The following CSMD1 variants were observed in gnomAD, a reference collection of about 807,000 sequenced individuals.
CSMD1 encodes CUB and Sushi multiple domains 1.
A neutral mutation model predicts 417.5 loss-of-function variants in CSMD1; 213 were observed. The ratio of observed to expected loss-of-function variants is 0.51; its 90% CI spans 0.46 to 0.57. The LOEUF (loss-of-function observed/expected upper bound fraction) is 0.57. Among genes scored for constraint, CSMD1 ranks in the 20% least tolerant of loss-of-function variants. The pLI, the probability that CSMD1 is intolerant of heterozygous loss-of-function variation, is 0.00. For synonymous variants in CSMD1, 2,862 were observed against 1,736.8 expected, an observed-to-expected ratio of 1.65 and a Z score of -16.11; for missense variants, 6,923 against 4,529.7, an observed-to-expected ratio of 1.53 and a Z score of -15.17.
chr8:4,375,542 T>C (rs1463331336), intron 3 of CSMD1, among the ~76,000 whole-genome samples: 4 of 152,172 alleles, frequency 2.6e-5, no homozygotes, highest in African/African-American at 7.2e-5. Flanking sequence ...CTTAACATTT[T>C]AGCCCACTTC....
chr8:3,569,770 C>T (rs1200850306), intron 10 of CSMD1, among the ~76,000 whole-genome samples: 2 of 152,150 alleles, frequency 1.3e-5, no homozygotes, highest in Non-Finnish European at 2.9e-5. Context: ...ATGGCTGCTG[C>T]TTAATTTGGA....
chr8:3,852,456 G>T lies in CSMD1; in HGVS notation c.819-98414C>A, dbSNP rs922247685. Among the ~76,000 whole-genome samples, 4 of 152,192 alleles carry T rather than the reference G, an allele frequency of 2.6e-5. No homozygotes were observed. In the East Asian group the frequency reaches 5.8e-4, roughly 22 times the overall value. ...AAGACGTCGGGAAGAGGGTAGGGCT[G>T]CAGGGCTGCATTCAGAGAATAAGCT... is the stretch of plus-strand genomic sequence containing the variant. On this transcript the variant is annotated intron_variant, in intron 5 of 69. Transcript: ENST00000635120.
chr8:4,447,590 G>T (rs982099911), intron 2 of CSMD1, among the ~76,000 whole-genome samples: 8 of 152,130 alleles, frequency 5.3e-5, no homozygotes, highest in African/African-American at 1.9e-4. Flanking sequence ...AACAGAAAAC[G>T]CTTTCATGTA....
chr8:3,929,436 C>G lies in CSMD1; in HGVS notation c.818+68467G>C, dbSNP rs779645294. Among the ~76,000 whole-genome samples, 11 of 150,270 alleles carry G rather than the reference C, an allele frequency of 7.3e-5. 1 individual carries two copies. Among genetic ancestry groups the G allele is most frequent in the Non-Finnish European group, 1.5e-4 (10 of 67,512 alleles). On this transcript the variant is annotated intron_variant, in intron 5 of 69. Coordinates refer to ENST00000635120, the MANE Select transcript of CSMD1 (RefSeq NM_033225.6). ...AACCTTCCCCACATGAGAAGTGGGT[C>G]CAAAAGCTGGAGGGGACAGAACAAA...
At chr8:4,314,269 T>C (rs1226367208) in intron 3 of CSMD1, among the ~76,000 whole-genome samples, 3 of 152,094 alleles carry the variant, frequency 2.0e-5, no homozygotes, top group Non-Finnish European at 4.4e-5. Flanking sequence ...CACAAACTCT[T>C]AGTTACAATC....
chr8:4,461,895 C>G (rs1045703881), intron 2 of CSMD1, among the ~76,000 whole-genome samples: 1 of 151,914 alleles, frequency 6.6e-6, no homozygotes, highest in Non-Finnish European at 1.5e-5. Flanking sequence ...AGCCCGCCAC[C>G]ACGCCCGGCT....
intron 4 of CSMD1, among the ~76,000 whole-genome samples, chr8:4,004,934 C>T (rs920950938): frequency 1.3e-5 from 2 of 152,120 alleles, no homozygotes; most frequent in African/African-American, 2.4e-5. Flanking sequence ...TTAGTAGAGA[C>T]AGGGTTTCAC....
chr8:4,691,788 T>G (rs1395388067), intron 1 of CSMD1, among the ~76,000 whole-genome samples: 1 of 152,230 alleles, frequency 6.6e-6, no homozygotes, highest in Non-Finnish European at 1.5e-5. Context: ...TTTTAACCTT[T>G]AAATCATTGT....
intron 2 of CSMD1, among the ~76,000 whole-genome samples, chr8:4,465,784 G>A (rs1238596687): frequency 6.6e-6 from 1 of 152,116 alleles, no homozygotes; most frequent in Non-Finnish European, 1.5e-5. Context: ...TGAGAATGGG[G>A]GTGGTTATGG....
chr8:3,307,313 C>G (rs893122893), intron 25 of CSMD1, among the ~76,000 whole-genome samples: 1 of 151,978 alleles, frequency 6.6e-6, no homozygotes, highest in African/African-American at 2.4e-5. Flanking sequence ...TCCCAACCAT[C>G]CCAGCTGAGG....
intron 5 of CSMD1, among the ~76,000 whole-genome samples, chr8:3,754,442 T>TTA (rs1162895456): frequency 8.8e-6 from 1 of 113,754 alleles, no homozygotes; most frequent in Non-Finnish European, 2.0e-5. Flanking sequence ...CCTTATTTAT[T>TTA]TATTTATTTA....
chr8:4,599,411 T>A (rs1161389619), intron 2 of CSMD1, among the ~76,000 whole-genome samples: 1 of 152,000 alleles, frequency 6.6e-6, no homozygotes, highest in East Asian at 1.9e-4. Flanking sequence ...AGGAGGAAAA[T>A]TTTTGATAAT....
chr8:4,348,538 CAAAT>C (rs1024162083), intron 3 of CSMD1, among the ~76,000 whole-genome samples: 10 of 145,344 alleles, frequency 6.9e-5, no homozygotes, highest in Non-Finnish European at 1.4e-4. Context: ...AGTTGTATCA[CAAAT>C]AAAAGTGTGT....
intron 3 of CSMD1, among the ~76,000 whole-genome samples, chr8:4,260,398 C>G (rs552598421): frequency 3.3e-5 from 5 of 152,104 alleles, no homozygotes; most frequent in African/African-American, 4.8e-5. Context: ...TTTTTGTTAA[C>G]ACTAAAAATT....
chr8:3,032,599 A>T (rs77879869), intron 50 of CSMD1, among the ~76,000 whole-genome samples: 2,573 of 152,044 alleles, frequency 0.017, 42 homozygotes, highest in East Asian at 0.038. Flanking sequence ...ACAACCCCCA[A>T]ACACCTACCC....
intron 12 of CSMD1, among the ~76,000 whole-genome samples, chr8:3,455,242 T>C (rs551859441): frequency 1.3e-5 from 2 of 152,318 alleles, no homozygotes; most frequent in Non-Finnish European, 2.9e-5. Context: ...TTTAACTTCT[T>C]TGCCATGGGT....
intron 12 of CSMD1, among the ~76,000 whole-genome samples, chr8:3,420,310 C>A (rs1014087681): frequency 2.0e-5 from 3 of 151,648 alleles, no homozygotes; most frequent in South Asian, 2.1e-4. Context: ...CCTCAAAATA[C>A]CCAAGATCAT....
At chr8:4,796,940 A>G (rs1798012297) in intron 1 of CSMD1, among the ~76,000 whole-genome samples, 2 of 152,204 alleles carry the variant, frequency 1.3e-5, no homozygotes, top group Non-Finnish European at 2.9e-5. Flanking sequence ...TGGAGGGGGC[A>G]GGACAGAGCG....
chr8:4,528,735 T>C (rs949335498), intron 2 of CSMD1, among the ~76,000 whole-genome samples: 1 of 151,982 alleles, frequency 6.6e-6, no homozygotes, highest in African/African-American at 2.4e-5. Flanking sequence ...AAAAAAATGT[T>C]TAAGTAAGAT....
Sources: gnomAD v4.1 joint callset for allele counts (sites outside exome capture counted in the v4.1 genomes callset) on GRCh38, gnomAD v4.1.1 for gene constraint, MANE v1.5 for transcripts, NCBI Gene and HGNC (gene_info 2026-07-23, HGNC 2026-07-21) for gene names.